Variants in ULK4 observed in about 807,000 individuals in gnomAD.
The protein encoded by ULK4 is inactive serine/threonine-protein kinase ULK4.
In ULK4, 133 loss-of-function variants were observed where a neutral mutation model predicts 160.6. The observed-to-expected ratio is 0.83, with a 90% confidence interval of 0.72 to 0.96. The LOEUF (loss-of-function observed/expected upper bound fraction) is 0.96, where lower values mean the gene tolerates loss of function less well. Among genes scored for constraint, ULK4 ranks in the 40% least tolerant of loss-of-function variants. ULK4 has a pLI of 0.00. For missense variants in ULK4, 1,580 were observed against 1,499.5 expected, an observed-to-expected ratio of 1.05 and a Z score of -0.89; for synonymous variants, 534 against 539.8, an observed-to-expected ratio of 0.99 and a Z score of 0.15.
chr3:41,435,493 C>T (rs1213637797), intron 34 of ULK4, among the ~76,000 whole-genome samples: 1 of 152,144 alleles, frequency 6.6e-6, no homozygotes. Context: ...CTGGTTTTAC[C>T]AGATAATATA....
At chr3:41,706,838 A>ATATAT (rs1389593148) in intron 25 of ULK4, among the ~76,000 whole-genome samples, 4 of 125,314 alleles carry the variant, frequency 3.2e-5, no homozygotes, top group East Asian at 2.1e-4. Context: ...AAAAAAAAAA[A>ATATAT]AAAAAAAAAT....
chr3:41,424,964 G>A lies in ULK4; in HGVS notation c.3493-26700C>T, dbSNP rs1575542939. On this transcript the variant is annotated intron_variant, in intron 34 of 36. Transcript: ENST00000301831. ...GGCTGAGATGGTGGAATTGACAGAA[G>A]TAGGCTTCAAAGGTGAGTAATAATA... Among the ~76,000 whole-genome samples the A allele has an allele frequency of 2.0e-5, 3 of 151,774 alleles. No homozygotes were observed. The South Asian group carries it at 6.3e-4, about 32-fold the overall frequency.
intron 16 of ULK4, among the ~76,000 whole-genome samples, chr3:41,885,023 A>AT (rs1026395043): frequency 7.9e-5 from 12 of 151,936 alleles, no homozygotes; most frequent in African/African-American, 2.2e-4. Context: ...CAGCCAGCTA[A>AT]TTTTTTTTAC....
intron 30 of ULK4, among the ~76,000 whole-genome samples, chr3:41,648,192 C>T (rs1055100467): frequency 1.3e-5 from 2 of 152,164 alleles, no homozygotes; most frequent in Admixed American, 6.5e-5. Flanking sequence ...CCACAAAGTG[C>T]GCTGCTCCCA....
At chr3:41,535,543 A>G (rs2086468669) in intron 32 of ULK4, among the ~76,000 whole-genome samples, 1 of 152,238 alleles carries the variant, frequency 6.6e-6, no homozygotes, top group Non-Finnish European at 1.5e-5. Flanking sequence ...TGCAATAAAT[A>G]TATAAACCAA....
At chr3:41,362,966 A>T (rs2081177880) in intron 35 of ULK4, among the ~76,000 whole-genome samples, 1 of 152,228 alleles carries the variant, frequency 6.6e-6, no homozygotes, top group Non-Finnish European at 1.5e-5. Context: ...TGCAGTCTCC[A>T]GTGTCATTTG....
intron 5 of ULK4, among the ~76,000 whole-genome samples, chr3:41,924,501 G>A (rs1018669344): frequency 1.3e-5 from 2 of 152,158 alleles, no homozygotes; most frequent in African/African-American, 2.4e-5. Flanking sequence ...CTGCTAGAAT[G>A]TCTGACCTAT....
chr3:41,493,820 A>C (rs1317490319), intron 32 of ULK4, among the ~76,000 whole-genome samples: 1 of 146,486 alleles, frequency 6.8e-6, no homozygotes, highest in African/African-American at 2.5e-5. Flanking sequence ...AATAAACTAG[A>C]AAATCTAGAA....
At chr3:41,480,232 A>G (rs2084278381) in intron 32 of ULK4, among the ~76,000 whole-genome samples, 1 of 148,634 alleles carries the variant, frequency 6.7e-6, no homozygotes, top group Admixed American at 6.7e-5. Flanking sequence ...AAAAAAAAGT[A>G]TCATACAGAC....
At chr3:41,480,206 CAAAAAAAAAAA>C (rs60805184) in intron 32 of ULK4, among the ~76,000 whole-genome samples, 3 of 97,184 alleles carry the variant, frequency 3.1e-5, no homozygotes, top group Non-Finnish European at 6.2e-5. Context: ...GACTCCGTAT[CAAAAAAAAAAA>C]AAAAAAAAAA....
rs150423127 is a variant in ULK4, at chr3:41,452,912, T to C, written c.3492+2585A>G. On this transcript the variant is annotated intron_variant, in intron 34 of 36. Transcript: ENST00000301831. ...ATTTCAGTGAGACTATTCCCAAACA[T>C]GGAATAAAGTTAAGAGTTTAACGTG... Among the ~76,000 whole-genome samples the C allele has an allele frequency of 6.0e-4, 91 of 152,180 alleles. No individual in the cohort carries two copies. The East Asian group carries it at 0.015, about 25-fold the overall frequency.
chr3:41,410,235 T>C (rs577884192), intron 34 of ULK4, among the ~76,000 whole-genome samples: 3 of 152,324 alleles, frequency 2.0e-5, no homozygotes, highest in Admixed American at 6.5e-5. Flanking sequence ...CAAATGTTCA[T>C]AGCAATGTTA....
At chr3:41,384,307 T>C (rs1406668530) in intron 35 of ULK4, among the ~76,000 whole-genome samples, 1 of 151,886 alleles carries the variant, frequency 6.6e-6, no homozygotes, top group Admixed American at 6.6e-5. Context: ...AAAAAGTCAA[T>C]TTCATATGGA....
chr3:41,414,726 C>T (rs527548718), intron 34 of ULK4, among the ~76,000 whole-genome samples: 4 of 152,214 alleles, frequency 2.6e-5, no homozygotes, highest in East Asian at 3.9e-4. Flanking sequence ...TCACTCCTGC[C>T]CAAACTCAGC....
chr3:41,564,216 G>C (rs536380156), intron 32 of ULK4, among the ~76,000 whole-genome samples: 11 of 152,252 alleles, frequency 7.2e-5, no homozygotes, highest in South Asian at 4.1e-4. Flanking sequence ...AAATAATGCA[G>C]AACAGCAAAT....
Position 41,381,735 on chromosome 3 carries a change from A to G in ULK4, c.3678+16344T>C, listed in dbSNP as rs753208345. On this transcript the variant is annotated intron_variant, in intron 35 of 36. Transcript: ENST00000301831. ...TTATCCTTCACCCTCTTCAATGACT[A>G]CTCTCAATGCAACAGCCAGATTGTC... is the stretch of plus-strand genomic sequence containing the variant. Among the ~76,000 whole-genome samples, 10 of 152,026 alleles carry G rather than the reference A, an allele frequency of 6.6e-5. No individual in the cohort carries two copies. The East Asian group carries it at 1.4e-3, about 21-fold the overall frequency.
Position 41,342,989 on chromosome 3 carries a change from A to G in ULK4, c.3678+55090T>C, listed in dbSNP as rs187054050. ...AATTAAACATCCCTTCATGTTAAAA[A>G]CTCCCAATAAACTAAGTATTGAAGG... On this transcript the variant is annotated intron_variant, in intron 35 of 36. Coordinates refer to ENST00000301831, the MANE Select transcript of ULK4 (RefSeq NM_017886.4). Among the ~76,000 whole-genome samples, 171 of 152,296 alleles carry G rather than the reference A, an allele frequency of 1.1e-3. 2 individuals carry two copies. Among genetic ancestry groups the G allele is most frequent in the African/African-American group, 3.8e-3 (156 of 41,562 alleles).
chr3:41,800,797 C>T (rs768883221), intron 19 of ULK4, among the ~76,000 whole-genome samples: 8 of 152,000 alleles, frequency 5.3e-5, no homozygotes, highest in African/African-American at 7.3e-5. Context: ...AGTGGTGTGA[C>T]GAAATTAATC....
intron 31 of ULK4, among the ~76,000 whole-genome samples, chr3:41,608,615 GGGAGTAGTGTGAT>G (rs1456254174): frequency 2.0e-5 from 3 of 152,158 alleles, no homozygotes; most frequent in African/African-American, 7.2e-5. Context: ...CAAATGTTTT[GGGAGTAGTGTGAT>G]GGAGCAATGC....
Sources: gnomAD v4.1 joint callset for allele counts (sites outside exome capture counted in the v4.1 genomes callset) on GRCh38, gnomAD v4.1.1 for gene constraint, MANE v1.5 for transcripts, NCBI Gene and HGNC (gene_info 2026-07-23, HGNC 2026-07-21) for gene names.